GARNL3: variants seen among roughly 807,000 people sequenced by gnomAD.
The protein encoded by GARNL3 is GTPase activating Rap/RanGAP domain like 3, also known as GTPase-activating Rap/Ran-GAP domain-like protein 3.
GARNL3 carries 63 observed loss-of-function variants against 125.0 expected under a neutral mutation model. That is an observed-to-expected ratio of 0.50 (90% CI 0.41 to 0.62). The LOEUF is 0.62. GARNL3 is among the 20% of genes least tolerant of loss of function. The pLI, the probability that GARNL3 is intolerant of heterozygous loss-of-function variation, is 0.00. For synonymous variants in GARNL3, 439 were observed against 457.5 expected, an observed-to-expected ratio of 0.96 and a Z score of 0.52; for missense variants, 994 against 1,244.0, an observed-to-expected ratio of 0.80 and a Z score of 3.02.
chr9:127,387,062 G>T, intron 24 of GARNL3, 131 bp from the exon 25 acceptor site: 1 of 863,928 alleles, frequency 1.2e-6, no homozygotes. Flanking sequence ...CCCTCGCCCC[G>T]GCATCCCGCA....
At chr9:127,236,124 T>A (rs2063108518) in intron 1 of GARNL3, among the ~76,000 whole-genome samples, 1 of 152,246 alleles carries the variant, frequency 6.6e-6, no homozygotes, top group Admixed American at 6.5e-5. Flanking sequence ...GGCCCTTGGC[T>A]AGACCTGAAA....
intron 27 of GARNL3, among the ~76,000 whole-genome samples, chr9:127,391,322 AT>A (rs1278160026): frequency 6.9e-6 from 1 of 145,702 alleles, no homozygotes; most frequent in East Asian, 2.0e-4. Flanking sequence ...ATATTTATAT[AT>A]TTAATATCTA....
intron 6 of GARNL3, 110 bp downstream of exon 6, chr9:127,320,888 T>C: frequency 1.4e-6 from 1 of 707,292 alleles, no homozygotes. Context: ...AAATCACCTA[T>C]GCAACTTTAA....
chr9:127,262,259 C>T (rs761393188), upstream of GARNL3, among the ~76,000 whole-genome samples: 4 of 152,168 alleles, frequency 2.6e-5, no homozygotes, highest in Non-Finnish European at 5.9e-5. Context: ...TAAATGTTTA[C>T]ATTTTGCTCA....
At chr9:127,344,429 C>A in intron 15 of GARNL3, 90 bp downstream of exon 15, 1 of 856,116 alleles carries the variant, frequency 1.2e-6, no homozygotes, top group Admixed American at 2.0e-5. Flanking sequence ...CTTTGTTTGC[C>A]TGCTGCTGTA....
chr9:127,355,573 GT>G, intron 20 of GARNL3, 101 bp downstream of exon 20: 1 of 1,095,712 alleles, frequency 9.1e-7, no homozygotes, highest in South Asian at 1.4e-5. Context: ...TTGTCCCACT[GT>G]TTAGTAGCCA....
chr9:127,339,523 C>T (rs1414639734), intron 12 of GARNL3, 122 bp from the exon 13 acceptor site: 8 of 700,216 alleles, frequency 1.1e-5, no homozygotes, highest in Admixed American at 1.0e-4. Context: ...AGTTACCTCT[C>T]CCTGGGTCCC....
intron 2 of GARNL3, among the ~76,000 whole-genome samples, chr9:127,302,497 G>A (rs905969617): frequency 6.6e-6 from 1 of 152,086 alleles, no homozygotes; most frequent in Non-Finnish European, 1.5e-5. Flanking sequence ...AGACACATAT[G>A]TACTACTACA....
chr9:127,276,877 C>T (rs2063970710), intron 1 of GARNL3, among the ~76,000 whole-genome samples: 1 of 152,202 alleles, frequency 6.6e-6, no homozygotes, highest in Admixed American at 6.5e-5. Context: ...GTGTAAACTA[C>T]TTTTCACAAT....
chr9:127,350,626 A>T (rs1423399502), intron 17 of GARNL3, among the ~76,000 whole-genome samples: 1 of 151,888 alleles, frequency 6.6e-6, no homozygotes, highest in East Asian at 1.9e-4. Context: ...AAATACAAAA[A>T]TTAGCCGGAT....
rs773838385 is a variant in GARNL3, at chr9:127,333,029, G to A, written c.677G>A (p.Gly226Glu). ...ACTCTACTTCTTCCTGCAGAAATTG[G>A]AAGCGAGCCTTTTCAAAAATTTTTA... ...TDDEMFSNEI[G>E]SEPFQKFLNL... The change falls in exon 9 of 28, where the codon GGA (glycine) becomes GAA (glutamate). Residue 226 changes from glycine (G) to glutamate (E), a missense_variant. Coordinates refer to ENST00000373387, the MANE Select transcript of GARNL3 (RefSeq NM_032293.5). The A allele has an allele frequency of 1.2e-6, 2 of 1,612,520 alleles. No individual in the cohort carries two copies. Among genetic ancestry groups the A allele is most frequent in the South Asian group, 2.2e-5 (2 of 91,042 alleles).
chr9:127,272,519 C>G (rs1366387839), intron 1 of GARNL3, among the ~76,000 whole-genome samples: 1 of 150,860 alleles, frequency 6.6e-6, no homozygotes, highest in Admixed American at 6.6e-5. Context: ...AGGAGTCTCA[C>G]TCTGTTCCCC....
intron 2 of GARNL3, among the ~76,000 whole-genome samples, chr9:127,252,459 T>A (rs2063422430): frequency 6.6e-6 from 1 of 152,242 alleles, no homozygotes; most frequent in South Asian, 2.1e-4. Flanking sequence ...TACGTCTTTT[T>A]TCATTAAATC....
chr9:127,317,797 T>C (rs1303137571), intron 4 of GARNL3, among the ~76,000 whole-genome samples: 1 of 152,184 alleles, frequency 6.6e-6, no homozygotes, highest in Middle Eastern at 3.2e-3. Context: ...ATGGCTCAAG[T>C]GCTCTCCATA....
intron 10 of GARNL3, 122 bp from the exon 11 acceptor site, chr9:127,336,006 T>C: frequency 1.5e-6 from 1 of 688,070 alleles, no homozygotes; most frequent in Non-Finnish European, 2.4e-6. Flanking sequence ...GTCAAAGATG[T>C]CTGAAGTTCA....
chr9:127,318,211 C>G, intron 5 of GARNL3, 84 bp downstream of exon 5: 3 of 858,918 alleles, frequency 3.5e-6, no homozygotes, highest in Non-Finnish European at 6.1e-6. Flanking sequence ...CTGATGTTAC[C>G]TTTCCATTGT....
intron 2 of GARNL3, among the ~76,000 whole-genome samples, chr9:127,256,607 G>A (rs934110085): frequency 1.3e-5 from 2 of 152,178 alleles, no homozygotes; most frequent in South Asian, 2.1e-4. Context: ...TACCTTGTAG[G>A]TACTCAGTAA....
intron 2 of GARNL3, among the ~76,000 whole-genome samples, chr9:127,252,896 A>G (rs1343845522): frequency 6.6e-6 from 1 of 152,218 alleles, no homozygotes; most frequent in African/African-American, 2.4e-5. Flanking sequence ...CAATCTCTAG[A>G]CATGGGGAAT....
intron 10 of GARNL3, among the ~76,000 whole-genome samples, chr9:127,335,858 C>A (rs1185967012): frequency 6.6e-6 from 1 of 152,046 alleles, no homozygotes; most frequent in East Asian, 1.9e-4. Flanking sequence ...TGAGTATCTA[C>A]ATGGGATGTA....
Sources: gnomAD v4.1 joint callset for allele counts (sites outside exome capture counted in the v4.1 genomes callset) on GRCh38, gnomAD v4.1.1 for gene constraint, MANE v1.5 for transcripts, NCBI Gene and HGNC (gene_info 2026-07-23, HGNC 2026-07-21) for gene names.